The following FAM53A variants were observed in gnomAD, a reference collection of about 807,000 sequenced individuals.
FAM53A encodes protein FAM53A.
FAM53A carries 28 observed loss-of-function variants against 26.6 expected under a neutral mutation model. The ratio of observed to expected loss-of-function variants is 1.05; its 90% CI spans 0.78 to 1.45. FAM53A has a LOEUF of 1.45. FAM53A is among the 40% of genes most tolerant of loss of function. The probability of loss-of-function intolerance (pLI) is 0.00; values close to 1 mark genes in which losing one functional copy is unlikely to be tolerated. For synonymous variants in FAM53A, 290 were observed against 253.1 expected (o/e 1.15, Z -1.38); for missense variants, 650 against 575.8 (o/e 1.13, Z -1.32).
the FAM53A span, among the ~76,000 whole-genome samples, chr4:1,597,414 G>A: frequency 6.6e-6 from 1 of 150,768 alleles, no homozygotes; most frequent in African/African-American, 2.5e-5. Flanking sequence ...CAGCAAACAC[G>A]CACTGGGGGA....
In FAM53A at chr4:1,655,201, C is replaced by T. The variant is rs779306779; in HGVS notation, c.659G>A (p.Arg220His). 6 of 1,556,956 alleles carry T rather than the reference C, an allele frequency of 3.9e-6. No homozygotes were observed. Among genetic ancestry groups the T allele is most frequent in the Admixed American group, 3.8e-5 (2 of 52,764 alleles). The change falls in exon 4 of 5, where the codon CGC (arginine) becomes CAC (histidine). Residue 220 changes from arginine to histidine, a missense_variant. Arg to His is a conservative substitution (Grantham distance 29). Transcript: ENST00000308132. The stretch of plus-strand genomic sequence containing the variant: ...TCGCTCCTGTGAGAGGGACGGGCGG[C>T]GCCTCGTGGAGGGCAAGCAGGACTC... ...SAESCLPSTRRRPSLSQERLA... is the reference protein window; with the variant it reads ...SAESCLPSTRHRPSLSQERLA...
Position 1,655,290 on chromosome 4 carries a change from G to C in FAM53A, c.570C>G (p.Ala190=). The change falls in exon 4 of 5, where the codon GCC becomes GCG. Residue 190 remains alanine, a synonymous_variant. Coordinates refer to ENST00000308132, the MANE Select transcript of FAM53A (RefSeq NM_001174070.3). The stretch of plus-strand genomic sequence containing the variant: ...CGCTGCTGTCCACGAAGCCGCCGCT[G>C]GCGGAGGACGGCCGGGGCGTGGCGG... ...TSPATPRPSS[A]SGGFVDSSEG... 7.0e-7 allele frequency: 1 copy of C among 1,424,748 alleles called. No homozygotes were observed. The highest frequency in any genetic ancestry group is 1.5e-5 in the South Asian group (1 of 66,224). 88.3% of individuals were successfully genotyped at this position (1,424,748 alleles called of 1,614,324 possible).
chr4:1,681,460 G>A (rs1715434430), intron 1 of FAM53A, among the ~76,000 whole-genome samples: 1 of 151,296 alleles, frequency 6.6e-6, no homozygotes, highest in Non-Finnish European at 1.5e-5. Flanking sequence ...CTATTTTTAA[G>A]TGCACTGAAA....
intron 1 of FAM53A, among the ~76,000 whole-genome samples, chr4:1,622,126 C>T (rs1715065317): frequency 6.6e-6 from 1 of 152,230 alleles, no homozygotes; most frequent in Admixed American, 6.5e-5. Context: ...TCCCAGCCTC[C>T]AGAAACTTGA....
intron 4 of FAM53A, among the ~76,000 whole-genome samples, chr4:1,643,422 G>C (rs971527471): frequency 6.6e-5 from 10 of 151,670 alleles, no homozygotes; most frequent in East Asian, 3.9e-4. Context: ...GCCGAGATTG[G>C]GCCACTGCAC....
At chr4:1,607,578 G>A in the FAM53A span, among the ~76,000 whole-genome samples, 3 of 150,806 alleles carry the variant, frequency 2.0e-5, no homozygotes, top group African/African-American at 2.4e-5. Context: ...AAGTGAGGCC[G>A]CCCCCCCACC....
At chr4:1,684,159 G>A (rs1715648047) in intron 1 of FAM53A, 74 bp downstream of exon 1, 1 of 151,554 alleles carries the variant, frequency 6.6e-6, no homozygotes, top group African/African-American at 2.4e-5. Context: ...AAAGCTCGGA[G>A]CCGGTGCGCC....
chr4:1,641,545 G>A lies in FAM53A; in HGVS notation c.945C>T (p.Thr315=). 1 of 1,614,188 alleles carries A rather than the reference G, an allele frequency of 6.2e-7. No individual in the cohort carries two copies. The highest frequency in any genetic ancestry group is 1.1e-5 in the South Asian group (1 of 91,086). The change falls in exon 5 of 5, where the codon ACC becomes ACT. Residue 315 remains threonine (T), a synonymous_variant. Transcript: ENST00000308132. ...GGGAGGACAGAACCGTCTTCACTGGGGTGTCATCCTCATCGTCATCTTCGT... is the reference window on the plus strand; with the variant it reads ...GGGAGGACAGAACCGTCTTCACTGGAGTGTCATCCTCATCGTCATCTTCGT... ...LNYEDDDEDD[T]PVKTVLSSPC...
chr4:1,606,962 G>A, the FAM53A span, among the ~76,000 whole-genome samples: 1 of 152,204 alleles, frequency 6.6e-6, no homozygotes, highest in South Asian at 2.1e-4. Context: ...CCCACCAACA[G>A]GGCACGAGGG....
At chr4:1,642,342 C>T (rs960964380) in intron 4 of FAM53A, among the ~76,000 whole-genome samples, 1 of 152,196 alleles carries the variant, frequency 6.6e-6, no homozygotes, top group Non-Finnish European at 1.5e-5. Flanking sequence ...CCCCATGCCA[C>T]GCCCAGGCCT....
chr4:1,586,538 G>T, the FAM53A span, among the ~76,000 whole-genome samples: 1 of 151,964 alleles, frequency 6.6e-6, no homozygotes, highest in Non-Finnish European at 1.5e-5. Context: ...CACTTTGGGG[G>T]TCCGAGGCGG....
At chr4:1,644,052 G>C in intron 4 of FAM53A, 15 of 1,198,044 alleles carry the variant, frequency 1.3e-5, no homozygotes, top group Non-Finnish European at 1.7e-5. Context: ...GGAGGTCCGG[G>C]TCTCACCAGC....
At chr4:1,626,024 G>C (rs981734356) in intron 1 of FAM53A, among the ~76,000 whole-genome samples, 2 of 152,196 alleles carry the variant, frequency 1.3e-5, no homozygotes, top group Non-Finnish European at 1.5e-5. Context: ...GGCCCAGCAT[G>C]TTTTTCCTGC....
chr4:1,622,328 T>A (rs1292777641), intron 1 of FAM53A, among the ~76,000 whole-genome samples: 1 of 152,098 alleles, frequency 6.6e-6, no homozygotes, highest in East Asian at 1.9e-4. Flanking sequence ...GCTGCTTCCC[T>A]AGGAGTCACT....
chr4:1,670,744 A>G (rs1050265426), intron 1 of FAM53A, among the ~76,000 whole-genome samples: 5 of 152,322 alleles, frequency 3.3e-5, no homozygotes, highest in Middle Eastern at 3.4e-3. Context: ...TCTCCACAGC[A>G]GTGGCTCCAT....
chr4:1,593,916 G>A, the FAM53A span, among the ~76,000 whole-genome samples: 2 of 152,210 alleles, frequency 1.3e-5, no homozygotes, highest in Non-Finnish European at 2.9e-5. Context: ...ACGGGGCAGG[G>A]TAACTCTTGA....
At chr4:1,579,525 G>A in the FAM53A span, among the ~76,000 whole-genome samples, 1 of 152,206 alleles carries the variant, frequency 6.6e-6, no homozygotes, top group African/African-American at 2.4e-5. Context: ...ACGCGCACGG[G>A]TGGGGCCAGG....
Position 1,655,661 on chromosome 4 carries a change from G to A in FAM53A, c.199C>T (p.Pro67Ser), listed in dbSNP as rs762299168. 58 of 1,596,084 alleles carry A rather than the reference G, an allele frequency of 3.6e-5. No individual in the cohort carries two copies. Among genetic ancestry groups the A allele is most frequent in the Non-Finnish European group, 3.6e-5 (42 of 1,173,226 alleles). ...AGGCCCGGCAGGAAGGAGAAATCAG[G>A]GCCCGTGGCTGCCTGGCTTCTGACG... is the stretch of plus-strand genomic sequence containing the variant. The part of the protein sequence containing the change: ...PPVRSQAATG[P>S]DFSFLPGLSA... Residue 67 changes from proline to serine, a missense_variant, in exon 4 of 5, where the codon CCT becomes TCT. Physicochemically the swap from Pro to Ser is moderately conservative, Grantham distance 74 (BLOSUM62 -1). Coordinates refer to ENST00000308132, the MANE Select transcript of FAM53A (RefSeq NM_001174070.3).
At chr4:1,611,000 G>A in the FAM53A span, among the ~76,000 whole-genome samples, 1 of 152,212 alleles carries the variant, frequency 6.6e-6, no homozygotes, top group Admixed American at 6.5e-5. Flanking sequence ...GCACCTGCTG[G>A]TTGCACGGAC....
Sources: allele counts gnomAD v4.1 joint callset (sites outside exome capture counted in the v4.1 genomes callset), GRCh38; gene constraint gnomAD v4.1.1; transcripts MANE v1.5; gene names NCBI Gene and HGNC (gene_info 2026-07-23, HGNC 2026-07-21).